Variants in SH3GL3 observed in about 807,000 individuals in gnomAD.
SH3GL3 encodes endophilin-A3.
Under a neutral mutation model 47.7 loss-of-function variants are expected in SH3GL3, and 33 were observed. The ratio of observed to expected loss-of-function variants is 0.69; its 90% CI spans 0.52 to 0.92. SH3GL3 has a LOEUF of 0.92. SH3GL3 is among the 40% of genes least tolerant of loss of function. The pLI is 0.00. For missense variants in SH3GL3, 363 were observed against 417.8 expected (o/e 0.87, Z 1.14); for synonymous variants, 155 against 148.8 (o/e 1.04, Z -0.30).
chr15:83,566,835 C>T (rs1596274551), intron 3 of SH3GL3, among the ~76,000 whole-genome samples: 1 of 152,132 alleles, frequency 6.6e-6, no homozygotes, highest in Non-Finnish European at 1.5e-5. Flanking sequence ...TCACAGCTGG[C>T]ACGGGAATGT....
Position 83,588,646 on chromosome 15 carries a change from A to G in SH3GL3, c.729-16A>G. 1 of 1,481,506 alleles carries G rather than the reference A, an allele frequency of 6.7e-7. No homozygotes were observed. Among genetic ancestry groups the G allele is most frequent in the Non-Finnish European group, 9.4e-7 (1 of 1,059,382 alleles). 91.8% of individuals were successfully genotyped at this position (1,481,506 alleles called of 1,614,324 possible). A position where few individuals can be genotyped will look rare whatever the true frequency, so the allele number is the denominator to read the frequency against. Reference sequence around the variant, plus strand: ...CAACATCAGATGTCTGGCTCATCTTACGATGTGTGTTACAGAATATCAGCT... The same window carrying G: ...CAACATCAGATGTCTGGCTCATCTTGCGATGTGTGTTACAGAATATCAGCT... On this transcript the variant is annotated splice_polypyrimidine_tract_variant and intron_variant, in intron 7 of 8. Transcript: ENST00000427482.
intron 1 of SH3GL3, among the ~76,000 whole-genome samples, chr15:83,558,461 G>C (rs1208820828): frequency 6.7e-6 from 1 of 149,536 alleles, no homozygotes; most frequent in African/African-American, 2.5e-5. Flanking sequence ...CAGCTCTTGG[G>C]CAACATTTTT....
chr15:83,631,973 G>C, the SH3GL3 span, among the ~76,000 whole-genome samples: 1 of 151,984 alleles, frequency 6.6e-6, no homozygotes, highest in Non-Finnish European at 1.5e-5. Flanking sequence ...GCTTCCTCTT[G>C]AACGCTTTGC....
At chr15:83,628,161 A>G in the SH3GL3 span, among the ~76,000 whole-genome samples, 1 of 152,192 alleles carries the variant, frequency 6.6e-6, no homozygotes, top group Non-Finnish European at 1.5e-5. Context: ...TTCTAAGCCA[A>G]CTCACAAGTC....
At chr15:83,462,508 C>T (rs576353610) in intron 1 of SH3GL3, among the ~76,000 whole-genome samples, 148 of 152,290 alleles carry the variant, frequency 9.7e-4, no homozygotes, top group African/African-American at 3.2e-3. Flanking sequence ...TAATTTAACC[C>T]AGTCATGGAA....
intron 1 of SH3GL3, among the ~76,000 whole-genome samples, chr15:83,513,741 A>G (rs993139273): frequency 1.3e-5 from 2 of 152,194 alleles, no homozygotes; most frequent in African/African-American, 4.8e-5. Context: ...TAGGTGCTCA[A>G]TAAATCTTTG....
intron 1 of SH3GL3, among the ~76,000 whole-genome samples, chr15:83,462,600 C>G (rs1249471579): frequency 6.6e-6 from 1 of 152,214 alleles, no homozygotes; most frequent in African/African-American, 2.4e-5. Flanking sequence ...TTAGGCTTGG[C>G]AGAACTATTG....
chr15:83,465,461 C>T (rs2040528995), intron 1 of SH3GL3, among the ~76,000 whole-genome samples: 2 of 152,122 alleles, frequency 1.3e-5, no homozygotes, highest in African/African-American at 4.8e-5. Context: ...CTTGACTTGG[C>T]CTCTCCCACT....
chr15:83,598,917 T>G (rs774131868), intron 8 of SH3GL3, among the ~76,000 whole-genome samples: 1 of 152,224 alleles, frequency 6.6e-6, no homozygotes, highest in Non-Finnish European at 1.5e-5. Flanking sequence ...CAGTTTACAT[T>G]TTTTGATGTA....
chr15:83,487,878 C>CTTTTTTT (rs58188472), intron 1 of SH3GL3, among the ~76,000 whole-genome samples: 2 of 137,622 alleles, frequency 1.5e-5, no homozygotes, highest in African/African-American at 2.7e-5. Context: ...TTTTTCTTTT[C>CTTTTTTT]TTTTTTTTTT....
intron 1 of SH3GL3, among the ~76,000 whole-genome samples, chr15:83,498,238 CTA>C (rs1472539763): frequency 6.6e-6 from 1 of 152,158 alleles, no homozygotes; most frequent in Admixed American, 6.5e-5. Flanking sequence ...TTACTAGAAA[CTA>C]TAAAACCAGC....
chr15:83,514,836 C>T (rs1040681518), intron 1 of SH3GL3, among the ~76,000 whole-genome samples: 1 of 151,994 alleles, frequency 6.6e-6, no homozygotes, highest in Non-Finnish European at 1.5e-5. Context: ...GCTTGTTGGG[C>T]GTGTCAGGCT....
intron 1 of SH3GL3, among the ~76,000 whole-genome samples, chr15:83,509,952 G>C (rs369612709): frequency 1.3e-5 from 2 of 151,992 alleles, no homozygotes; most frequent in African/African-American, 4.8e-5. Flanking sequence ...TTTCACTTTG[G>C]GCCCACACAC....
At chr15:83,629,818 T>TTAAATAAA in the SH3GL3 span, among the ~76,000 whole-genome samples, 64 of 151,656 alleles carry the variant, frequency 4.2e-4, no homozygotes, top group East Asian at 1.6e-3. Context: ...AGACTCTGTC[T>TTAAATAAA]TAAATAAATA....
chr15:83,496,668 G>A (rs2151595192), intron 1 of SH3GL3, among the ~76,000 whole-genome samples: 1 of 152,278 alleles, frequency 6.6e-6, no homozygotes, highest in South Asian at 2.1e-4. Context: ...AGGCAGGGGA[G>A]TGGTAAGGGC....
chr15:83,517,933 A>G (rs1261274510), intron 1 of SH3GL3, among the ~76,000 whole-genome samples: 1 of 151,928 alleles, frequency 6.6e-6, no homozygotes, highest in East Asian at 1.9e-4. Context: ...CCCATTGTCT[A>G]TTGTTGCCAT....
intron 1 of SH3GL3, among the ~76,000 whole-genome samples, chr15:83,494,895 A>G (rs907077695): frequency 2.6e-5 from 4 of 152,112 alleles, no homozygotes; most frequent in African/African-American, 9.7e-5. Flanking sequence ...GTTTGTCCTC[A>G]ACAGCATGGG....
rs61579058 is a variant in SH3GL3, at chr15:83,581,967, C to T, written c.625-5016C>T. ...CAACTTTCCAGGGATCCAAGAGGGG[C>T]AGTCCCATGACTGATTTCTCACCAG... On this transcript the variant is annotated intron_variant, in intron 6 of 8. Transcript: ENST00000427482. 9.6e-3 allele frequency among the ~76,000 whole-genome samples: 1,461 copies of T among 152,294 alleles called. 27 individuals carry two copies. The highest frequency in any genetic ancestry group is 0.033 in the African/African-American group (1,379 of 41,560).
chr15:83,578,464 C>G (rs2059744001), intron 6 of SH3GL3, among the ~76,000 whole-genome samples: 1 of 152,192 alleles, frequency 6.6e-6, no homozygotes, highest in Non-Finnish European at 1.5e-5. Context: ...GTCTTACATC[C>G]TTTGAGTCAA....
Sources: allele counts gnomAD v4.1 joint callset (sites outside exome capture counted in the v4.1 genomes callset), GRCh38; gene constraint gnomAD v4.1.1; transcripts MANE v1.5; gene names NCBI Gene and HGNC (gene_info 2026-07-23, HGNC 2026-07-21).